FSD1L: variants seen among roughly 807,000 people sequenced by gnomAD.
FSD1L encodes FSD1-like protein.
In FSD1L, 45 loss-of-function variants were observed where a neutral mutation model predicts 71.6. The ratio of observed to expected loss-of-function variants is 0.63; its 90% confidence interval spans 0.49 to 0.81. The LOEUF (loss-of-function observed/expected upper bound fraction) is 0.81, where lower values mean the gene tolerates loss of function less well. FSD1L is among the 30% of genes least tolerant of loss of function. The pLI is 0.00. For synonymous variants in FSD1L, 197 were observed against 207.2 expected (o/e 0.95, Z 0.42); for missense variants, 561 against 618.1 (o/e 0.91, Z 0.98).
intron 7 of FSD1L, among the ~76,000 whole-genome samples, chr9:105,488,884 G>C (rs1004743394): frequency 5.4e-5 from 8 of 148,024 alleles, no homozygotes; most frequent in African/African-American, 1.7e-4. Context: ...TGGAAATCAA[G>C]TTCTTCATAA....
chr9:105,468,823 A>G (rs780153324), intron 4 of FSD1L, among the ~76,000 whole-genome samples: 4 of 152,218 alleles, frequency 2.6e-5, no homozygotes, highest in Non-Finnish European at 4.4e-5. Context: ...TAAACTGTAC[A>G]GTGTACAGTT....
At position 105,468,334 on chromosome 9, in the gene FSD1L, T is replaced by C. The variant is rs537092448; in HGVS notation, c.339+10T>C. The C allele has an allele frequency of 1.5e-4, 228 of 1,475,344 alleles. No homozygotes were observed. The highest frequency in any genetic ancestry group is 1.9e-4 in the Non-Finnish European group (218 of 1,120,520). 91.4% of individuals were successfully genotyped at this position (1,475,344 alleles called of 1,614,324 possible). On this transcript the variant is annotated intron_variant, in intron 4 of 13. Coordinates refer to ENST00000481272, the MANE Select transcript of FSD1L (RefSeq NM_001145313.3). ...ATCCCAAGAGTTACAGGTGAGATCA[T>C]ACAGCTATTGAAATATGGATAATTT... is the stretch of plus-strand genomic sequence containing the variant.
chr9:105,462,773 T>C (rs1830793836), intron 2 of FSD1L, among the ~76,000 whole-genome samples: 1 of 150,678 alleles, frequency 6.6e-6, no homozygotes, highest in Non-Finnish European at 1.5e-5. Flanking sequence ...TCCACCTGCC[T>C]GGGCCTCCCA....
At chr9:105,492,676 T>A (rs1833037561) in intron 7 of FSD1L, among the ~76,000 whole-genome samples, 1 of 152,172 alleles carries the variant, frequency 6.6e-6, no homozygotes. Context: ...TTTGAATGTG[T>A]CCCAGAGATT....
chr9:105,499,476 AT>A (rs1478515505), intron 7 of FSD1L, among the ~76,000 whole-genome samples: 1 of 151,740 alleles, frequency 6.6e-6, no homozygotes, highest in African/African-American at 2.4e-5. Flanking sequence ...CTCAATTTTT[AT>A]TTGTCTGAGA....
chr9:105,470,003 T>G (rs1408007015), intron 4 of FSD1L, among the ~76,000 whole-genome samples: 1 of 152,140 alleles, frequency 6.6e-6, no homozygotes, highest in Non-Finnish European at 1.5e-5. Flanking sequence ...CTAGCACCAT[T>G]TATTGAAGAG....
At chr9:105,495,382 G>A (rs1047392003) in intron 7 of FSD1L, among the ~76,000 whole-genome samples, 2 of 152,204 alleles carry the variant, frequency 1.3e-5, no homozygotes, top group African/African-American at 4.8e-5. Context: ...GGAATGACCT[G>A]ATTTTCCAGG....
chr9:105,509,711 A>G (rs1409468272), intron 9 of FSD1L, among the ~76,000 whole-genome samples: 1 of 152,224 alleles, frequency 6.6e-6, no homozygotes, highest in Non-Finnish European at 1.5e-5. Flanking sequence ...TTGCATCACA[A>G]AGGTCTGAAA....
intron 5 of FSD1L, among the ~76,000 whole-genome samples, chr9:105,474,078 A>G (rs949425002): frequency 1.3e-5 from 2 of 152,196 alleles, no homozygotes; most frequent in African/African-American, 4.8e-5. Flanking sequence ...TAAGAAATGT[A>G]TCATTAGGCA....
At chr9:105,445,385 T>C (rs1425596431), upstream of FSD1L, among the ~76,000 whole-genome samples, 2 of 152,106 alleles carry the variant, frequency 1.3e-5, no homozygotes, top group Non-Finnish European at 2.9e-5. Flanking sequence ...CTTGGGAAGC[T>C]GGAGGCAAGG....
chr9:105,454,898 A>G (rs964738570), intron 1 of FSD1L, among the ~76,000 whole-genome samples: 4 of 152,242 alleles, frequency 2.6e-5, no homozygotes, highest in Non-Finnish European at 4.4e-5. Context: ...GTGTACAGGT[A>G]GTGTTCTCAA....
chr9:105,516,315 C>T (rs1201777094), intron 10 of FSD1L, among the ~76,000 whole-genome samples: 2 of 152,178 alleles, frequency 1.3e-5, no homozygotes, highest in Non-Finnish European at 2.9e-5. Flanking sequence ...AGCAGCGGAC[C>T]TCCAAGCACA....
intron 10 of FSD1L, chr9:105,526,122 T>C (rs1589080501): frequency 6.4e-7 from 1 of 1,558,058 alleles, no homozygotes; most frequent in Admixed American, 1.7e-5. Context: ...GTCCCCTTTT[T>C]GATGGTGCTA....
At chr9:105,524,365 A>G (rs1835371062) in intron 10 of FSD1L, 1 of 1,613,980 alleles carries the variant, frequency 6.2e-7, no homozygotes, top group Non-Finnish European at 8.5e-7. Context: ...ACCATCACCC[A>G]TCTTTTACCA....
In FSD1L at chr9:105,448,193, T is replaced by C. The variant is rs540258654; in HGVS notation, c.-28T>C. The C allele has an allele frequency of 4.9e-5, 76 of 1,541,658 alleles. No individual in the cohort carries two copies. In the African/African-American group the frequency reaches 1.0e-3, roughly 21 times the overall value. On this transcript the variant is annotated 5_prime_UTR_variant, in exon 1 of 14. Transcript: ENST00000481272. ...CCTCACACGGTTCGTCGTCTCGGGT[T>C]CGAGCCCAGTGGGCTTAGCCACTCG...
rs143608120 is a variant in FSD1L at position 105,543,728 on chromosome 9, C to T, written c.1468-2630C>T. Among the ~76,000 whole-genome samples, 1,088 of 152,224 alleles carry T rather than the reference C, an allele frequency of 7.1e-3. 7 individuals are homozygous for T. Among genetic ancestry groups the T allele is most frequent in the Non-Finnish European group, 0.013 (856 of 68,026 alleles). ...ATAGTTTGCTGAGAATGATGGTTTC[C>T]AGCTTCATCCATGTCCCTACAAAGG... is the stretch of plus-strand genomic sequence containing the variant. On this transcript the variant is annotated intron_variant, in intron 13 of 13. Transcript: ENST00000481272.
intron 10 of FSD1L, chr9:105,524,824 G>T (rs111923038): frequency 1.9e-6 from 3 of 1,590,050 alleles, no homozygotes; most frequent in Non-Finnish European, 2.6e-6. Context: ...CCAATGAGCG[G>T]TGGTCCTGCT....
At chr9:105,533,255 T>C (rs1467596449) in intron 10 of FSD1L, among the ~76,000 whole-genome samples, 3 of 151,866 alleles carry the variant, frequency 2.0e-5, no homozygotes, top group Non-Finnish European at 4.4e-5. Flanking sequence ...CTGTTTTGAG[T>C]TTTTGAATGT....
chr9:105,520,461 TAAACAG>T, intron 10 of FSD1L: 1 of 1,066,092 alleles, frequency 9.4e-7, no homozygotes, highest in South Asian at 1.3e-5. Context: ...AAGCTAGTCT[TAAACAG>T]AAAGGTCACA....
Sources: allele counts gnomAD v4.1 joint callset (sites outside exome capture counted in the v4.1 genomes callset), GRCh38; gene constraint gnomAD v4.1.1; transcripts MANE v1.5; gene names NCBI Gene and HGNC (gene_info 2026-07-23, HGNC 2026-07-21).